Variants in DNAH5 observed in about 807,000 individuals in gnomAD.
DNAH5 encodes dynein axonemal heavy chain 5.
A neutral mutation model predicts 518.2 loss-of-function variants in DNAH5; 372 were observed. The ratio of observed to expected loss-of-function variants is 0.72; its 90% CI spans 0.66 to 0.78. The LOEUF is 0.78. DNAH5 is among the 30% of genes least tolerant of loss of function. DNAH5 has a pLI of 0.00. For missense variants in DNAH5, 5,523 were observed against 5,687.0 expected (o/e 0.97, Z 0.93); for synonymous variants, 2,039 against 2,025.9 (o/e 1.01, Z -0.17).
At chr5:13,769,651 G>T (rs778095587) in intron 56 of DNAH5, 36 bp from the exon 57 acceptor site, 1 of 1,545,388 alleles carries the variant, frequency 6.5e-7, no homozygotes, top group African/African-American at 1.4e-5. Flanking sequence ...ATGTTAAAAT[G>T]TGTAGGACTT....
chr5:13,786,041 T>G, intron 52 of DNAH5, 138 bp downstream of exon 52: 1 of 842,972 alleles, frequency 1.2e-6, no homozygotes, highest in East Asian at 2.6e-5. Flanking sequence ...GCTTAGAAAT[T>G]AAATTGGAAT....
intron 1 of DNAH5, among the ~76,000 whole-genome samples, chr5:13,991,793 A>C (rs1380877526): frequency 1.3e-5 from 2 of 152,198 alleles, no homozygotes; most frequent in African/African-American, 4.8e-5. Context: ...TAGCCTAAAA[A>C]CGGGAAGAGA....
intron 30 of DNAH5, among the ~76,000 whole-genome samples, chr5:13,853,133 C>A (rs940782103): frequency 6.6e-6 from 1 of 152,224 alleles, no homozygotes; most frequent in African/African-American, 2.4e-5. Flanking sequence ...CAGCTGACAT[C>A]TGGCAGGTGC....
intron 1 of DNAH5, among the ~76,000 whole-genome samples, chr5:13,987,098 C>T (rs1018233741): frequency 1.3e-5 from 2 of 152,136 alleles, no homozygotes; most frequent in African/African-American, 4.8e-5. Context: ...GGCAGAAGCC[C>T]GCCAGACTGC....
chr5:13,793,078 C>T lies in DNAH5; in HGVS notation c.8224+437G>A, dbSNP rs571959962. Among the ~76,000 whole-genome samples, 4 of 152,260 alleles carry T rather than the reference C, an allele frequency of 2.6e-5. No homozygotes were observed. In the East Asian group the frequency reaches 7.7e-4, roughly 29 times the overall value. ...ATTACTCTGAATTTCAGACCGTGTC[C>T]AATCTGCGCTCTGGGTGCCATTATT... On this transcript the variant is annotated intron_variant, in intron 49 of 78. Coordinates refer to ENST00000265104, the MANE Select transcript of DNAH5 (RefSeq NM_001369.3).
intron 11 of DNAH5, 115 bp downstream of exon 11, chr5:13,913,628 T>G (rs1285538770): frequency 4.0e-6 from 5 of 1,252,852 alleles, no homozygotes; most frequent in African/African-American, 1.5e-5. Flanking sequence ...ATGAGATTAT[T>G]TATATTTTAC....
intron 15 of DNAH5, chr5:13,896,580 C>T (rs1350829718): frequency 6.6e-6 from 1 of 152,150 alleles, no homozygotes; most frequent in Non-Finnish European, 1.5e-5. Flanking sequence ...TTCTGTTTTA[C>T]CCAATTAGAC....
At chr5:13,742,049 T>C (rs1417725569) in intron 65 of DNAH5, among the ~76,000 whole-genome samples, 1 of 152,168 alleles carries the variant, frequency 6.6e-6, no homozygotes, top group Non-Finnish European at 1.5e-5. Context: ...AGCATGATAA[T>C]GCTTATTGTA....
At chr5:13,755,414 G>A (rs759578935) in intron 61 of DNAH5, among the ~76,000 whole-genome samples, 36 of 151,992 alleles carry the variant, frequency 2.4e-4, no homozygotes, top group Non-Finnish European at 4.0e-4. Flanking sequence ...TTAAAAATTC[G>A]ATTTATAAAA....
Position 13,894,736 on chromosome 5 carries a change from T to C in DNAH5, c.2345A>G (p.Asp782Gly), listed in dbSNP as rs1447345329. 6.2e-7 allele frequency: 1 copy of C among 1,614,024 alleles called. No individual in the cohort carries two copies. Among genetic ancestry groups the C allele is most frequent in the African/African-American group, 1.3e-5 (1 of 74,926 alleles). ...QLIVPHLAKVDEALQPGLAAL... is the reference protein window; with the variant it reads ...QLIVPHLAKVGEALQPGLAAL... ...AGCCAAGCCAGGTTGGAGAGCTTCA[T>C]CCACTTTGGCCAAGTGAGGGACAAT... Residue 782 changes from aspartate (D) to glycine (G), a missense_variant, in exon 16 of 79, where the codon GAT becomes GGT. Around this residue, in one of 3 missense-constraint regions of DNAH5, gnomAD observed 5,121 missense variants for 5,223.3 expected, o/e 0.98. Coordinates refer to ENST00000265104, the MANE Select transcript of DNAH5 (RefSeq NM_001369.3).
At chr5:13,871,346 T>C (rs759100474) in intron 23 of DNAH5, among the ~76,000 whole-genome samples, 2 of 152,198 alleles carry the variant, frequency 1.3e-5, no homozygotes, top group Non-Finnish European at 2.9e-5. Flanking sequence ...TCTGACTTAG[T>C]CTTTTTTTCA....
chr5:13,769,699 T>C lies in DNAH5; in HGVS notation c.9606-84A>G, dbSNP rs1447806301. ...CAAGTACTGGTCCAATAATGAGTGG[T>C]AATGGTTATATCTGAAGATTGCATG... On this transcript the variant is annotated intron_variant, in intron 56 of 78. Transcript: ENST00000265104. 7.0e-6 allele frequency: 8 copies of C among 1,145,570 alleles called. No homozygotes were observed. In the Admixed American group the frequency reaches 1.0e-4, roughly 15 times the overall value. The allele number at this position is 1,145,570 out of a possible 1,614,324, so 71.0% of individuals were successfully genotyped here.
At position 13,810,215 on chromosome 5, in the gene DNAH5, C is replaced by G. The variant is rs949851439; in HGVS notation, c.7453G>C (p.Val2485Leu). ...VSQAHLGRLF[V>L]FALLWSAGAA... ...CCCGCGCTCCACAGCAGCGCGAACA[C>G]GAACAGCCGCCCCAGGTGAGCCTGG... The change falls in exon 45 of 79, where the codon GTG (valine) becomes CTG (leucine). Residue 2485 changes from valine to leucine, a missense_variant. Transcript: ENST00000265104. The G allele has an allele frequency of 6.4e-6, 10 of 1,550,430 alleles. No homozygotes were observed. Among genetic ancestry groups the G allele is most frequent in the Admixed American group, 5.9e-5 (3 of 51,034 alleles).
chr5:13,842,145 C>T (rs1478100947), intron 32 of DNAH5, among the ~76,000 whole-genome samples: 1 of 151,556 alleles, frequency 6.6e-6, no homozygotes, highest in African/African-American at 2.4e-5. Flanking sequence ...TTTGGGAGGC[C>T]GCTCTAGGTG....
At chr5:13,916,639 A>T (rs2151985821) in intron 8 of DNAH5, among the ~76,000 whole-genome samples, 184 bp from the exon 9 acceptor site, 1 of 152,186 alleles carries the variant, frequency 6.6e-6, no homozygotes. Flanking sequence ...ACATATGGTT[A>T]ATCAAATTTT....
chr5:13,764,246 A>T (rs917773381), intron 59 of DNAH5, among the ~76,000 whole-genome samples: 1 of 152,240 alleles, frequency 6.6e-6, no homozygotes, highest in Non-Finnish European at 1.5e-5. Flanking sequence ...TATTAGGGAA[A>T]ATATTAAGAA....
At chr5:13,728,956 A>T (rs1746129536) in intron 69 of DNAH5, among the ~76,000 whole-genome samples, 1 of 152,164 alleles carries the variant, frequency 6.6e-6, no homozygotes. Flanking sequence ...TTTACAGGAG[A>T]TTCATACCCA....
At position 13,871,577 on chromosome 5, in the gene DNAH5, A is replaced by G. The variant is rs1377571750; in HGVS notation, c.3585T>C (p.Ile1195=). 2.5e-6 allele frequency: 4 copies of G among 1,613,604 alleles called. 1 individual carries two copies. The South Asian group carries it at 4.4e-5, about 18-fold the overall frequency. ...AEPEYVCVGS[I]ALYTADLKFA... ...AAATGAACCAACCTGTGTACAGAGCAATGGAACCCACACAGACATATTCAG... is the reference window on the plus strand; with the variant it reads ...AAATGAACCAACCTGTGTACAGAGCGATGGAACCCACACAGACATATTCAG... The change falls in exon 23 of 79, where the codon ATT becomes ATC. Residue 1195 remains isoleucine (I), a synonymous_variant. Transcript: ENST00000265104.
At chr5:13,795,579 G>C (rs1314096778) in intron 47 of DNAH5, among the ~76,000 whole-genome samples, 1 of 152,148 alleles carries the variant, frequency 6.6e-6, no homozygotes, top group Non-Finnish European at 1.5e-5. Flanking sequence ...ACCAAAAAAA[G>C]TCCAGGACCA....
Sources: gnomAD v4.1 joint callset for allele counts (sites outside exome capture counted in the v4.1 genomes callset) on GRCh38, gnomAD v4.1.1 for gene constraint, gnomAD v4.1.1 regional missense constraint, MANE v1.5 for transcripts, NCBI Gene and HGNC (gene_info 2026-07-23, HGNC 2026-07-21) for gene names.